The following SIPA1L1 variants were observed in gnomAD, a reference collection of about 807,000 sequenced individuals.
SIPA1L1 encodes the protein signal induced proliferation associated 1 like 1.
SIPA1L1 carries 26 observed loss-of-function variants against 162.7 expected under a neutral mutation model. That is an observed-to-expected ratio of 0.16 (90% CI 0.12 to 0.22). The LOEUF (loss-of-function observed/expected upper bound fraction) is 0.22, where lower values mean the gene tolerates loss of function less well. Ranked by LOEUF, SIPA1L1 falls within the 10% of genes least tolerant of loss-of-function variation. SIPA1L1 has a pLI of 1.00. For missense variants in SIPA1L1, 1,874 were observed against 2,241.0 expected (o/e 0.84, Z 3.31); for synonymous variants, 829 against 837.4 (o/e 0.99, Z 0.17).
At chr14:71,359,549 G>A (rs1369664402) in intron 2 of SIPA1L1, among the ~76,000 whole-genome samples, 1 of 152,124 alleles carries the variant, frequency 6.6e-6, no homozygotes, top group East Asian at 1.9e-4. Context: ...AAAATAAAAA[G>A]TGCCTGCCAC....
chr14:71,488,807 G>A (rs767165523), intron 2 of SIPA1L1, among the ~76,000 whole-genome samples: 4 of 152,164 alleles, frequency 2.6e-5, no homozygotes, highest in African/African-American at 9.7e-5. Context: ...TGGTATTCAT[G>A]TACTCTGCAC....
chr14:71,579,028 C>A (rs957813779), intron 4 of SIPA1L1, among the ~76,000 whole-genome samples: 1 of 152,168 alleles, frequency 6.6e-6, no homozygotes, highest in Non-Finnish European at 1.5e-5. Context: ...GCAATAGCAG[C>A]AGGATATGGC....
chr14:71,635,166 G>T (rs1312729926), intron 7 of SIPA1L1, among the ~76,000 whole-genome samples: 1 of 150,686 alleles, frequency 6.6e-6, no homozygotes, highest in Non-Finnish European at 1.5e-5. Context: ...ATAATCCCAG[G>T]TACTCGGGAG....
intron 9 of SIPA1L1, among the ~76,000 whole-genome samples, chr14:71,660,020 T>G (rs1342435140): frequency 1.3e-5 from 2 of 152,106 alleles, no homozygotes; most frequent in East Asian, 3.8e-4. Flanking sequence ...TCATTATATG[T>G]AGTATAAGAT....
At chr14:71,666,572 A>T (rs1335624032) in intron 10 of SIPA1L1, among the ~76,000 whole-genome samples, 1 of 152,200 alleles carries the variant, frequency 6.6e-6, no homozygotes, top group Non-Finnish European at 1.5e-5. Flanking sequence ...AAGGACCCTG[A>T]TTGTTCAAAA....
intron 2 of SIPA1L1, among the ~76,000 whole-genome samples, chr14:71,395,629 C>G (rs1426137983): frequency 6.6e-6 from 1 of 152,120 alleles, no homozygotes; most frequent in African/African-American, 2.4e-5. Flanking sequence ...CTGCTTTGCT[C>G]CAGCCTGGGT....
intron 2 of SIPA1L1, among the ~76,000 whole-genome samples, chr14:71,477,671 G>A (rs2047989742): frequency 6.6e-6 from 1 of 152,114 alleles, no homozygotes; most frequent in South Asian, 2.1e-4. Context: ...ATTTGTTGTG[G>A]ATAGTATAGA....
chr14:71,735,094 T>C (rs1386704111), intron 21 of SIPA1L1, among the ~76,000 whole-genome samples, 183 bp from the exon 22 acceptor site: 1 of 152,160 alleles, frequency 6.6e-6, no homozygotes, highest in Non-Finnish European at 1.5e-5. Flanking sequence ...ATTACATGGC[T>C]ACAATCCTCT....
chr14:71,388,738 C>T (rs2040530707), intron 2 of SIPA1L1, among the ~76,000 whole-genome samples: 1 of 152,204 alleles, frequency 6.6e-6, no homozygotes, highest in Non-Finnish European at 1.5e-5. Context: ...TCAGCCCTGG[C>T]TGAACATCAG....
At chr14:71,457,233 T>C (rs1427980960) in intron 2 of SIPA1L1, among the ~76,000 whole-genome samples, 1 of 152,206 alleles carries the variant, frequency 6.6e-6, no homozygotes, top group Non-Finnish European at 1.5e-5. Flanking sequence ...AGAGAAATTG[T>C]CAGCATCTGC....
chr14:71,589,455 A>G (rs2034988048), intron 5 of SIPA1L1, 85 bp downstream of exon 5: 1 of 758,230 alleles, frequency 1.3e-6, no homozygotes, highest in Admixed American at 2.9e-5. Context: ...TTTATTAACA[A>G]TGTGACATAA....
intron 3 of SIPA1L1, among the ~76,000 whole-genome samples, chr14:71,517,052 T>C (rs2051809789): frequency 6.6e-6 from 1 of 151,162 alleles, no homozygotes; most frequent in African/African-American, 2.4e-5. Flanking sequence ...AGAGTTTTAA[T>C]TGAAGTTTGG....
intron 13 of SIPA1L1, among the ~76,000 whole-genome samples, chr14:71,689,385 T>C (rs2081093389): frequency 6.6e-6 from 1 of 152,234 alleles, no homozygotes; most frequent in African/African-American, 2.4e-5. Flanking sequence ...GTAGTAGTTA[T>C]TAACAATTAA....
chr14:71,421,288 T>G (rs1458893844), intron 2 of SIPA1L1, among the ~76,000 whole-genome samples: 1 of 152,224 alleles, frequency 6.6e-6, no homozygotes, highest in Non-Finnish European at 1.5e-5. Context: ...AAAGATGTAG[T>G]TGATTATATT....
intron 12 of SIPA1L1, among the ~76,000 whole-genome samples, chr14:71,685,073 A>G (rs980527835): frequency 5.9e-5 from 9 of 152,154 alleles, no homozygotes; most frequent in Middle Eastern, 3.2e-3. Flanking sequence ...CTCAGGTCTC[A>G]GTAGTCTGGC....
chr14:71,699,261 T>C lies in SIPA1L1; in HGVS notation c.3521+134T>C, dbSNP rs1441108563. 1.0e-5 allele frequency: 9 copies of C among 861,718 alleles called. No individual in the cohort carries two copies. The East Asian group carries it at 1.8e-4, about 17-fold the overall frequency. 53.4% of individuals were successfully genotyped at this position (861,718 alleles called of 1,614,324 possible). A position where few individuals can be genotyped will look rare whatever the true frequency, so the allele number is the denominator to read the frequency against. ...AGACAAACAAAAGAGAAAACGTAGT[T>C]AATAATCCAGATAGAAAAATGGCTT... On this transcript the variant is annotated intron_variant, in intron 14 of 23. Transcript: ENST00000381232.
intron 16 of SIPA1L1, among the ~76,000 whole-genome samples, chr14:71,707,681 C>T (rs1381901996): frequency 6.6e-6 from 1 of 152,122 alleles, no homozygotes; most frequent in Non-Finnish European, 1.5e-5. Flanking sequence ...CGGATATACC[C>T]TATTTTTTAA....
Position 71,539,354 on chromosome 14 carries a change from T to A in SIPA1L1, c.-303+9984T>A, listed in dbSNP as rs534012437. Among the ~76,000 whole-genome samples the A allele has an allele frequency of 2.0e-5, 3 of 152,342 alleles. No homozygotes were observed. In the East Asian group the frequency reaches 5.8e-4, roughly 29 times the overall value. ...CACTACATGATCTCCATTGGTGAAATGGCTGCTTTTGACAATACTGTTTCC... is the reference window on the plus strand; with the variant it reads ...CACTACATGATCTCCATTGGTGAAAAGGCTGCTTTTGACAATACTGTTTCC... On this transcript the variant is annotated intron_variant, in intron 4 of 23. Transcript: ENST00000381232.
intron 13 of SIPA1L1, among the ~76,000 whole-genome samples, chr14:71,698,043 A>G (rs777144117): frequency 1.5e-4 from 23 of 152,214 alleles, no homozygotes; most frequent in Non-Finnish European, 2.6e-4. Context: ...AACTTGAACA[A>G]TGACTTAGAT....
Sources: gnomAD v4.1 joint callset for allele counts (sites outside exome capture counted in the v4.1 genomes callset) on GRCh38, gnomAD v4.1.1 for gene constraint, MANE v1.5 for transcripts, NCBI Gene and HGNC (gene_info 2026-07-23, HGNC 2026-07-21) for gene names.